Variants in FAAH2 observed in about 807,000 individuals in gnomAD.
The protein encoded by FAAH2 is fatty acid amide hydrolase 2.
FAAH2 carries 60 observed loss-of-function variants against 36.9 expected under a neutral mutation model. That is an observed-to-expected ratio of 1.63 (90% CI 1.32 to 2.02). FAAH2 has a LOEUF of 2.02. Among genes scored for constraint, FAAH2 ranks in the 30% most tolerant of loss-of-function variants. FAAH2 has a pLI of 0.00. For missense variants in FAAH2, 689 were observed against 397.5 expected (o/e 1.73, Z -6.23); for synonymous variants, 214 against 143.8 (o/e 1.49, Z -3.49).
At chrX:57,341,836 G>A (rs888292184) in intron 5 of FAAH2, among the ~76,000 whole-genome samples, 1 of 111,138 alleles carries the variant, frequency 9.0e-6, no homozygotes, top group African/African-American at 3.3e-5. Flanking sequence ...AAATAACACA[G>A]TTTCAGAAAC....
At chrX:57,168,438 C>G in the FAAH2 span, among the ~76,000 whole-genome samples, 1 of 111,604 alleles carries the variant, frequency 9.0e-6, no homozygotes, top group Non-Finnish European at 1.9e-5. Context: ...ATGCAACCAT[C>G]TGTACTTATT....
intron 2 of FAAH2, among the ~76,000 whole-genome samples, chrX:57,294,885 G>T (rs911450435): frequency 8.1e-5 from 9 of 110,885 alleles, no homozygotes; most frequent in African/African-American, 2.6e-4. Context: ...TTTTAACAAA[G>T]AATTTAATAT....
the FAAH2 span, among the ~76,000 whole-genome samples, chrX:57,205,735 T>C: frequency 8.9e-6 from 1 of 112,300 alleles, no homozygotes; most frequent in Admixed American, 9.4e-5. Flanking sequence ...TTATGGAGAA[T>C]CCAATTAGTT....
At chrX:57,179,160 T>C in the FAAH2 span, among the ~76,000 whole-genome samples, 1 of 111,498 alleles carries the variant, frequency 9.0e-6, no homozygotes, top group Admixed American at 9.5e-5. Flanking sequence ...TACCTACCAC[T>C]ACAAAAGCAC....
In FAAH2 at chrX:57,439,522, G is replaced by A. The variant is rs185329983; in HGVS notation, c.1117-7406G>A. On this transcript the variant is annotated intron_variant, in intron 8 of 10. Transcript: ENST00000374900. ...TATTAGCCCTTTGTCAGATGAGTAG[G>A]TTGCAAATTTTTCTCCCATTTTGTA... Among the ~76,000 whole-genome samples, 4 of 111,398 alleles carry A rather than the reference G, an allele frequency of 3.6e-5. No individual in the cohort carries two copies. In the East Asian group the frequency reaches 1.1e-3, roughly 31 times the overall value.
upstream of FAAH2, among the ~76,000 whole-genome samples, chrX:57,282,726 A>C (rs996739460): frequency 8.9e-6 from 1 of 111,796 alleles, no homozygotes; most frequent in Non-Finnish European, 1.9e-5. Context: ...AATCCACTAG[A>C]TGGTGCTTAA....
the FAAH2 span, among the ~76,000 whole-genome samples, chrX:57,157,730 C>A: frequency 8.9e-6 from 1 of 111,964 alleles, no homozygotes; most frequent in African/African-American, 3.2e-5. Flanking sequence ...TGCATGAATA[C>A]TTGTTTATTT....
chrX:57,336,241 T>A (rs765865530), intron 4 of FAAH2, among the ~76,000 whole-genome samples: 1 of 110,670 alleles, frequency 9.0e-6, no homozygotes, highest in South Asian at 3.9e-4. Context: ...CCCCACTGAG[T>A]ACCTTGAGAC....
At chrX:57,197,848 A>G in the FAAH2 span, among the ~76,000 whole-genome samples, 1 of 112,098 alleles carries the variant, frequency 8.9e-6, no homozygotes, top group Non-Finnish European at 1.9e-5. Flanking sequence ...GTTTCCTTGG[A>G]TGCTGGTTGT....
At chrX:57,169,632 A>G in the FAAH2 span, among the ~76,000 whole-genome samples, 1 of 89,519 alleles carries the variant, frequency 1.1e-5, no homozygotes, top group Non-Finnish European at 2.3e-5. Context: ...AGTAAAGCAG[A>G]TTACTCTCAA....
At chrX:57,257,730 C>T in the FAAH2 span, among the ~76,000 whole-genome samples, 4 of 109,973 alleles carry the variant, frequency 3.6e-5, no homozygotes, top group Non-Finnish European at 7.6e-5. Context: ...TGTAATGGCA[C>T]CAATAAGAAT....
At chrX:57,393,478 G>A in intron 7 of FAAH2, 3 of 937,271 alleles carry the variant, frequency 3.2e-6, no homozygotes, top group Non-Finnish European at 4.7e-6. Context: ...CAACAAGCTA[G>A]AGTGTGATCC....
At chrX:57,160,063 G>C in the FAAH2 span, among the ~76,000 whole-genome samples, 1 of 111,825 alleles carries the variant, frequency 8.9e-6, no homozygotes, top group Non-Finnish European at 1.9e-5. Context: ...GCTGAATTTT[G>C]TCAAAGGCCT....
the FAAH2 span, among the ~76,000 whole-genome samples, chrX:57,265,452 G>T: frequency 8.9e-6 from 1 of 111,776 alleles, no homozygotes; most frequent in Non-Finnish European, 1.9e-5. Context: ...AGGGGAAGGG[G>T]TGGGCTACTA....
At chrX:57,240,975 A>C in the FAAH2 span, among the ~76,000 whole-genome samples, 1 of 111,971 alleles carries the variant, frequency 8.9e-6, no homozygotes, top group African/African-American at 3.2e-5. Flanking sequence ...ATCCACCTAC[A>C]TGAACATGTT....
chrX:57,156,186 G>T, the FAAH2 span, among the ~76,000 whole-genome samples: 6 of 111,723 alleles, frequency 5.4e-5, no homozygotes, highest in African/African-American at 2.0e-4. Flanking sequence ...TTTTCATTCT[G>T]TCAATTGAAT....
intron 5 of FAAH2, among the ~76,000 whole-genome samples, chrX:57,353,048 C>T (rs923921411): frequency 8.2e-5 from 9 of 110,415 alleles, no homozygotes; most frequent in African/African-American, 2.9e-4. Flanking sequence ...TCTACAGATT[C>T]AGTGCAATTC....
chrX:57,193,521 C>A, the FAAH2 span, among the ~76,000 whole-genome samples: 8 of 111,629 alleles, frequency 7.2e-5, no homozygotes, highest in East Asian at 1.1e-3. Flanking sequence ...TGTACACTCC[C>A]TCCCCTTTGA....
intron 7 of FAAH2, among the ~76,000 whole-genome samples, chrX:57,428,406 G>A (rs1243239948): frequency 1.8e-5 from 2 of 111,652 alleles, no homozygotes; most frequent in Non-Finnish European, 3.8e-5. Flanking sequence ...AAATTCATAT[G>A]GAACCACAAA....
Sources: gnomAD v4.1 joint callset for allele counts (sites outside exome capture counted in the v4.1 genomes callset) on GRCh38, gnomAD v4.1.1 for gene constraint, MANE v1.5 for transcripts, NCBI Gene and HGNC (gene_info 2026-07-23, HGNC 2026-07-21) for gene names.